The following CUBN variants were observed in gnomAD, a reference collection of about 807,000 sequenced individuals.
CUBN encodes the protein 460 kDa receptor.
Under a neutral mutation model 405.3 loss-of-function variants are expected in CUBN, and 282 were observed. That is an observed-to-expected ratio of 0.70 (90% CI 0.63 to 0.77). The LOEUF (loss-of-function observed/expected upper bound fraction) is 0.77, where lower values mean the gene tolerates loss of function less well. Ranked by LOEUF, CUBN falls within the 30% of genes least tolerant of loss-of-function variation. The pLI is 0.00. For synonymous variants in CUBN, 1,684 were observed against 1,617.0 expected (o/e 1.04, Z -0.99); for missense variants, 4,514 against 4,475.2 (o/e 1.01, Z -0.25).
intron 31 of CUBN, among the ~76,000 whole-genome samples, chr10:16,969,020 G>A (rs550800562): frequency 4.6e-5 from 7 of 152,224 alleles, no homozygotes; most frequent in Admixed American, 1.3e-4. Flanking sequence ...TTCAATAGAA[G>A]TCAAAAAATC....
At chr10:17,113,898 CA>C in intron 8 of CUBN, 128 bp downstream of exon 8, 1 of 907,640 alleles carries the variant, frequency 1.1e-6, no homozygotes, top group South Asian at 1.4e-5. Context: ...CGAGCAGAAC[CA>C]GGACACAAAA....
intron 17 of CUBN, among the ~76,000 whole-genome samples, chr10:17,079,164 G>A (rs1835917225): frequency 6.6e-6 from 1 of 151,660 alleles, no homozygotes; most frequent in Middle Eastern, 3.5e-3. Flanking sequence ...CAACAACAGA[G>A]CTCAGAGTCT....
rs1160374917 is a variant in CUBN, at chr10:16,824,704, G to A, written c.*271C>T. On this transcript the variant is annotated 3_prime_UTR_variant, in exon 67 of 67. Coordinates refer to ENST00000377833, the MANE Select transcript of CUBN (RefSeq NM_001081.4). ...CCTGGCTAATTATTATATTGTTAGAGAGATGAGGTTTCACCATGCTGGCCA... is the reference window on the plus strand; with the variant it reads ...CCTGGCTAATTATTATATTGTTAGAAAGATGAGGTTTCACCATGCTGGCCA... 1 of 382,250 alleles carries A rather than the reference G, an allele frequency of 2.6e-6. No individual in the cohort carries two copies. The highest frequency in any genetic ancestry group is 5.1e-6 in the Non-Finnish European group (1 of 197,252). The allele number at this position is 382,250 out of a possible 1,614,324, so 23.7% of individuals were successfully genotyped here. A position where few individuals can be genotyped will look rare whatever the true frequency, so the allele number is the denominator to read the frequency against.
At position 16,840,521 on chromosome 10, in the gene CUBN, T is replaced by A. The variant is rs570241713; in HGVS notation, c.9841A>T (p.Thr3281Ser). The A allele has an allele frequency of 1.4e-5, 22 of 1,597,888 alleles. No homozygotes were observed. The Middle Eastern group carries it at 1.3e-3, about 97-fold the overall frequency. Residue 3281 changes from threonine (T) to serine (S), a missense_variant, in exon 62 of 67, where the codon ACA (threonine) becomes TCA (serine). Thr to Ser is a moderately conservative substitution (Grantham distance 58). Transcript: ENST00000377833. ...YTIMDMPCGG[T>S]YNATWTPQNI... ...TGTGGGGTCCAAGTTGCATTGTATG[T>A]TCCACCACAAGGCACTGGAGAGGGA...
At chr10:16,938,528 T>C (rs368310948) in intron 38 of CUBN, among the ~76,000 whole-genome samples, 16 of 152,306 alleles carry the variant, frequency 1.1e-4, no homozygotes, top group Admixed American at 3.3e-4. Flanking sequence ...TCATAGCCTG[T>C]AAGCATCCGA....
chr10:16,994,657 C>T (rs532110589), intron 28 of CUBN, among the ~76,000 whole-genome samples: 10 of 152,156 alleles, frequency 6.6e-5, no homozygotes, highest in Non-Finnish European at 1.0e-4. Flanking sequence ...TGTCGTCATC[C>T]GGTTACCTGT....
chr10:16,983,235 ATCAT>A (rs1833327549), intron 30 of CUBN, among the ~76,000 whole-genome samples: 1 of 152,144 alleles, frequency 6.6e-6, no homozygotes, highest in Non-Finnish European at 1.5e-5. Flanking sequence ...ATAATGGAGA[ATCAT>A]TCAGGGGTAA....
At chr10:16,913,773 G>A (rs1476802514) in intron 48 of CUBN, 38 bp downstream of exon 48, 3 of 1,609,816 alleles carry the variant, frequency 1.9e-6, no homozygotes, top group South Asian at 1.1e-5. Flanking sequence ...CTCTTTAAAT[G>A]ATGGAATATA....
chr10:17,020,327 G>T (rs1430128856), intron 27 of CUBN, among the ~76,000 whole-genome samples: 1 of 152,252 alleles, frequency 6.6e-6, no homozygotes, highest in African/African-American at 2.4e-5. Flanking sequence ...TCAATGAATA[G>T]CAGCTATTAT....
intron 60 of CUBN, among the ~76,000 whole-genome samples, chr10:16,843,678 G>C (rs1839426679): frequency 6.6e-6 from 1 of 152,160 alleles, no homozygotes; most frequent in Non-Finnish European, 1.5e-5. Flanking sequence ...TCTGGGACCT[G>C]TATGCCAGGC....
chr10:16,879,071 G>T (rs1265839737), intron 56 of CUBN, among the ~76,000 whole-genome samples: 1 of 152,124 alleles, frequency 6.6e-6, no homozygotes, highest in Non-Finnish European at 1.5e-5. Context: ...GTTCCTTTGG[G>T]TATATAAATG....
intron 33 of CUBN, 86 bp from the exon 34 acceptor site, chr10:16,950,197 G>A (rs1319932144): frequency 1.2e-6 from 1 of 851,628 alleles, no homozygotes; most frequent in Non-Finnish European, 1.9e-6. Context: ...AGGTGGGGAT[G>A]GTTAATGACT....
Position 16,920,063 on chromosome 10 carries a change from A to C in CUBN, c.6721T>G (p.Tyr2241Asp). The part of the protein sequence containing the change: ...YVTSPNHPHN[Y>D]PPHADCIWIL... ...CAAATGCAATCAGCGTGCGGGGGAT[A>C]ATTATGAGGGTGGTTGGGGGAGGTC... is the stretch of plus-strand genomic sequence containing the variant. Residue 2241 changes from tyrosine (Y) to aspartate (D), a missense_variant, in exon 44 of 67, where the codon TAT becomes GAT. This residue lies in a region of CUBN where 1,613 missense variants were observed against 1,542.8 expected (regional missense o/e 1.05). Coordinates refer to ENST00000377833, the MANE Select transcript of CUBN (RefSeq NM_001081.4). 1 of 1,614,002 alleles carries C rather than the reference A, an allele frequency of 6.2e-7. No homozygotes were observed. Among genetic ancestry groups the C allele is most frequent in the Non-Finnish European group, 8.5e-7 (1 of 1,179,976 alleles).
At chr10:17,068,432 A>T in intron 20 of CUBN, 152 bp from the exon 21 acceptor site, 1 of 949,756 alleles carries the variant, frequency 1.1e-6, no homozygotes, top group Non-Finnish European at 1.6e-6. Flanking sequence ...CTTATTAATA[A>T]GTAACAATTA....
chr10:16,829,762 C>T (rs993052655), intron 65 of CUBN, among the ~76,000 whole-genome samples: 2 of 151,982 alleles, frequency 1.3e-5, no homozygotes, highest in Non-Finnish European at 2.9e-5. Context: ...CTAATCTCAC[C>T]TTCACCTCAG....
chr10:17,007,182 AC>A, intron 28 of CUBN, among the ~76,000 whole-genome samples: 1 of 35,846 alleles, frequency 2.8e-5, no homozygotes, highest in South Asian at 1.1e-3. Context: ...CCTATCCCCC[AC>A]CCCCTCCCCC....
At chr10:16,854,257 A>C (rs1374720580) in intron 59 of CUBN, among the ~76,000 whole-genome samples, 1 of 152,236 alleles carries the variant, frequency 6.6e-6, no homozygotes, top group Non-Finnish European at 1.5e-5. Flanking sequence ...ATGGGCAAGC[A>C]TAACTCTGAG....
chr10:17,084,896 G>C (rs1836071272), intron 16 of CUBN, among the ~76,000 whole-genome samples: 1 of 152,130 alleles, frequency 6.6e-6, no homozygotes, highest in Non-Finnish European at 1.5e-5. Flanking sequence ...CAATTGAAAG[G>C]GGAACAGGAG....
chr10:16,940,517 G>A (rs937643455), intron 36 of CUBN, among the ~76,000 whole-genome samples: 4 of 152,198 alleles, frequency 2.6e-5, no homozygotes, highest in African/African-American at 9.7e-5. Context: ...AGGCAGAATA[G>A]TGTGAGTGCC....
Sources: allele counts gnomAD v4.1 joint callset (sites outside exome capture counted in the v4.1 genomes callset), GRCh38; gene constraint gnomAD v4.1.1; regional missense constraint gnomAD v4.1.1; transcripts MANE v1.5; gene names NCBI Gene and HGNC (gene_info 2026-07-23, HGNC 2026-07-21).